The following LIFR variants were observed in gnomAD, a reference collection of about 807,000 sequenced individuals.
The protein encoded by LIFR is LIF receptor subunit alpha.
In LIFR, 84 loss-of-function variants were observed where a neutral mutation model predicts 122.2. The ratio of observed to expected loss-of-function variants is 0.69; its 90% confidence interval spans 0.58 to 0.82. The LOEUF is 0.82. Ranked by LOEUF, LIFR falls within the 40% of genes least tolerant of loss-of-function variation. The pLI, the probability that LIFR is intolerant of heterozygous loss-of-function variation, is 0.00. For missense variants in LIFR, 1,294 were observed against 1,311.6 expected (o/e 0.99, Z 0.21); for synonymous variants, 422 against 434.7 (o/e 0.97, Z 0.36).
chr5:38,522,680 T>A (rs1746466161), intron 5 of LIFR, among the ~76,000 whole-genome samples: 1 of 152,186 alleles, frequency 6.6e-6, no homozygotes, highest in Non-Finnish European at 1.5e-5. Context: ...ATTTTAGGAA[T>A]GAAATACATG....
chr5:38,534,265 A>G (rs569964389), intron 1 of LIFR, among the ~76,000 whole-genome samples: 1 of 152,210 alleles, frequency 6.6e-6, no homozygotes, highest in Non-Finnish European at 1.5e-5. Flanking sequence ...CCAGTGAAGA[A>G]GGCTTTTCAG....
rs1743800705 is a variant in LIFR, at chr5:38,477,922, A to G, written c.*3673T>C. 3 of 214,676 alleles carry G rather than the reference A, an allele frequency of 1.4e-5. No homozygotes were observed. The highest frequency in any genetic ancestry group is 2.8e-5 in the Non-Finnish European group (3 of 106,466). The allele number at this position is 214,676 out of a possible 1,614,324, so 13.3% of individuals were successfully genotyped here. A position where few individuals can be genotyped will look rare whatever the true frequency, so the allele number is the denominator to read the frequency against. On this transcript the variant is annotated 3_prime_UTR_variant, in exon 20 of 20. Coordinates refer to ENST00000453190, the MANE Select transcript of LIFR (RefSeq NM_001127671.2). ...CACACAAATTTTAACATAATTCAAA[A>G]TAGAGAATAGCAAAAATAACCTTAG...
chr5:38,564,762 AC>A (rs1748959646), intron 1 of LIFR, among the ~76,000 whole-genome samples: 1 of 151,182 alleles, frequency 6.6e-6, no homozygotes, highest in African/African-American at 2.4e-5. Flanking sequence ...ACACACACAC[AC>A]ACACACACAC....
At chr5:38,500,976 G>A (rs944706134) in intron 11 of LIFR, among the ~76,000 whole-genome samples, 26 of 152,294 alleles carry the variant, frequency 1.7e-4, no homozygotes, top group Middle Eastern at 3.4e-3. Flanking sequence ...CACAAGGTGA[G>A]GAACTGAGGC....
chr5:38,526,810 G>A (rs1746713623), intron 4 of LIFR, among the ~76,000 whole-genome samples: 1 of 152,072 alleles, frequency 6.6e-6, no homozygotes, highest in Admixed American at 6.6e-5. Context: ...GTCTTGATTT[G>A]CCTTTCTGAT....
chr5:38,495,765 T>C (rs901320543), intron 13 of LIFR, among the ~76,000 whole-genome samples: 1 of 152,174 alleles, frequency 6.6e-6, no homozygotes, highest in African/African-American at 2.4e-5. Flanking sequence ...ACTCTCAAAG[T>C]TGTCAAGGCA....
intron 5 of LIFR, among the ~76,000 whole-genome samples, chr5:38,516,150 C>G (rs1746069048): frequency 6.6e-6 from 1 of 152,118 alleles, no homozygotes; most frequent in South Asian, 2.1e-4. Flanking sequence ...CATTGGCTGA[C>G]TTACACATGT....
At chr5:38,533,418 C>A (rs1404468473) in intron 1 of LIFR, among the ~76,000 whole-genome samples, 1 of 152,150 alleles carries the variant, frequency 6.6e-6, no homozygotes, top group Admixed American at 6.5e-5. Flanking sequence ...GAGCCTGGGG[C>A]CCCACATGGC....
chr5:38,511,992 T>C (rs763120641), intron 5 of LIFR, 28 bp from the exon 6 acceptor site: 2 of 1,608,372 alleles, frequency 1.2e-6, no homozygotes, highest in South Asian at 1.1e-5. Flanking sequence ...CACAAAACTG[T>C]ATTTCCAAGT....
chr5:38,598,260 C>G (rs200630102), upstream of LIFR, among the ~76,000 whole-genome samples: 3 of 27,898 alleles, frequency 1.1e-4, 1 homozygote, highest in Non-Finnish European at 1.9e-4. Flanking sequence ...TTTTTTTTTT[C>G]TTTTTAGAGG....
upstream of LIFR, among the ~76,000 whole-genome samples, chr5:38,559,886 TTTTGTAAATGCTATTGCA>T (rs1748767347): frequency 1.3e-5 from 2 of 152,244 alleles, no homozygotes; most frequent in African/African-American, 4.8e-5. Context: ...TTATTTTCTT[TTTTGTAAATGCTATTGCA>T]TTTGAAATGC....
At chr5:38,512,602 T>C (rs1188795961) in intron 5 of LIFR, among the ~76,000 whole-genome samples, 2 of 152,146 alleles carry the variant, frequency 1.3e-5, no homozygotes, top group Non-Finnish European at 1.5e-5. Context: ...ATCATGCAAC[T>C]GCACTCCAGC....
At position 38,482,011 on chromosome 5, in the gene LIFR, T is replaced by C. The variant is rs1331656051; in HGVS notation, c.2878A>G (p.Asn960Asp). The change falls in exon 20 of 20, where the codon AAC becomes GAC. Residue 960 changes from asparagine (N) to aspartate (D), a missense_variant. Coordinates refer to ENST00000453190, the MANE Select transcript of LIFR (RefSeq NM_001127671.2). ...CPPIIEEEIP[N>D]PAADEAGGTA... ...CCTCCAGCTTCATCTGCGGCTGGGT[T>C]TGGTATTTCTTCCTCAATGATGGGT... The C allele has an allele frequency of 1.2e-6, 2 of 1,613,992 alleles. No individual in the cohort carries two copies. The highest frequency in any genetic ancestry group is 1.7e-5 in the Admixed American group (1 of 59,996).
chr5:38,504,424 A>AAAAAAG (rs1745349095), intron 9 of LIFR, among the ~76,000 whole-genome samples: 1 of 151,498 alleles, frequency 6.6e-6, no homozygotes, highest in Non-Finnish European at 1.5e-5. Flanking sequence ...CCAAAAAAAA[A>AAAAAAG]AAAGAAAAGA....
At chr5:38,505,395 T>C (rs911608361) in intron 9 of LIFR, among the ~76,000 whole-genome samples, 17 of 122,932 alleles carry the variant, frequency 1.4e-4, no homozygotes, top group South Asian at 2.8e-4. Context: ...ATAAATTGCA[T>C]AGAACTACAC....
intron 9 of LIFR, among the ~76,000 whole-genome samples, chr5:38,505,445 C>CACA (rs70978886): frequency 1.4e-5 from 2 of 147,080 alleles, no homozygotes; most frequent in African/African-American, 2.5e-5. Flanking sequence ...CACACACACA[C>CACA]GAGTACAAAT....
chr5:38,536,268 G>T (rs760438257), intron 1 of LIFR, among the ~76,000 whole-genome samples: 1 of 151,934 alleles, frequency 6.6e-6, no homozygotes, highest in Non-Finnish European at 1.5e-5. Context: ...CCAGGGTTCT[G>T]CAACCACAGA....
chr5:38,584,553 A>T (rs900868042), intron 1 of LIFR, among the ~76,000 whole-genome samples: 3 of 152,160 alleles, frequency 2.0e-5, no homozygotes, highest in Non-Finnish European at 4.4e-5. Flanking sequence ...AAGAGATCCT[A>T]ATGCTTGCCA....
intron 1 of LIFR, among the ~76,000 whole-genome samples, chr5:38,540,779 TA>T (rs34580728): frequency 0.36 from 53,243 of 149,330 alleles, 9,625 homozygotes; most frequent in Middle Eastern, 0.42. Flanking sequence ...TAATTCCAAT[TA>T]AAAAAAAAAC....
Sources: allele counts gnomAD v4.1 joint callset (sites outside exome capture counted in the v4.1 genomes callset), GRCh38; gene constraint gnomAD v4.1.1; transcripts MANE v1.5; gene names NCBI Gene and HGNC (gene_info 2026-07-23, HGNC 2026-07-21).